AGBL1: variants seen among roughly 807,000 people sequenced by gnomAD.
The protein encoded by AGBL1 is cytosolic carboxypeptidase 4.
AGBL1 carries 130 observed loss-of-function variants against 118.9 expected under a neutral mutation model. The observed-to-expected ratio is 1.09, with a 90% CI of 0.95 to 1.26. AGBL1 has a LOEUF of 1.26. AGBL1 is among the 50% of genes most tolerant of loss of function. AGBL1 has a pLI of 0.00. For missense variants in AGBL1, 1,584 were observed against 1,298.1 expected, an observed-to-expected ratio of 1.22 and a Z score of -3.38; for synonymous variants, 555 against 478.9, an observed-to-expected ratio of 1.16 and a Z score of -2.08.
At chr15:86,829,619 G>A (rs1413053851) in intron 22 of AGBL1, among the ~76,000 whole-genome samples, 2 of 152,104 alleles carry the variant, frequency 1.3e-5, no homozygotes, top group Non-Finnish European at 2.9e-5. Flanking sequence ...TCTGAGATAA[G>A]GACACACAGG....
chr15:86,528,232 C>T (rs1016324290), intron 19 of AGBL1, among the ~76,000 whole-genome samples: 4 of 152,104 alleles, frequency 2.6e-5, no homozygotes, highest in Non-Finnish European at 5.9e-5. Flanking sequence ...AGACAGTGGG[C>T]GCAGGCCAGT....
chr15:86,624,641 C>T (rs1293922557), intron 21 of AGBL1, among the ~76,000 whole-genome samples: 1 of 152,134 alleles, frequency 6.6e-6, no homozygotes, highest in East Asian at 1.9e-4. Context: ...GAGCTGCAGC[C>T]AAAAGGAGGA....
chr15:86,712,373 T>G (rs117118610), intron 22 of AGBL1, among the ~76,000 whole-genome samples: 1 of 151,974 alleles, frequency 6.6e-6, no homozygotes, highest in Non-Finnish European at 1.5e-5. Context: ...ACTTTTTTTT[T>G]TTTTAATTTA....
chr15:86,244,867 A>G (rs906642341), intron 6 of AGBL1, among the ~76,000 whole-genome samples: 1 of 152,180 alleles, frequency 6.6e-6, no homozygotes, highest in Non-Finnish European at 1.5e-5. Flanking sequence ...TCTTTTAAAC[A>G]TCAGATATTG....
chr15:86,750,497 A>C (rs1276982550), intron 22 of AGBL1, among the ~76,000 whole-genome samples: 1 of 151,206 alleles, frequency 6.6e-6, no homozygotes, highest in Non-Finnish European at 1.5e-5. Context: ...GTTATTTAAC[A>C]AGCAATTGTA....
intron 18 of AGBL1, among the ~76,000 whole-genome samples, chr15:86,454,624 C>G (rs1367852809): frequency 6.6e-6 from 1 of 152,156 alleles, no homozygotes; most frequent in Admixed American, 6.6e-5. Context: ...CTGACATGAT[C>G]AGCCAAATAA....
chr15:86,705,309 A>AAAC (rs1362108916), intron 22 of AGBL1, among the ~76,000 whole-genome samples: 1 of 152,126 alleles, frequency 6.6e-6, no homozygotes, highest in Non-Finnish European at 1.5e-5. Context: ...AAACAAAACA[A>AAAC]AACAAAAACC....
At chr15:86,583,496 G>C (rs1445142790) in intron 21 of AGBL1, among the ~76,000 whole-genome samples, 1 of 152,068 alleles carries the variant, frequency 6.6e-6, no homozygotes, top group East Asian at 1.9e-4. Flanking sequence ...CATCCATGTT[G>C]CTACAGAGGA....
At chr15:86,824,946 A>C (rs926035259) in intron 22 of AGBL1, among the ~76,000 whole-genome samples, 5 of 152,084 alleles carry the variant, frequency 3.3e-5, no homozygotes, top group Non-Finnish European at 7.4e-5. Context: ...AATCCCAGCT[A>C]CTTGGGAGGC....
At chr15:86,506,426 A>G (rs145258147) in intron 18 of AGBL1, among the ~76,000 whole-genome samples, 16 of 151,878 alleles carry the variant, frequency 1.1e-4, no homozygotes, top group Admixed American at 5.9e-4. Context: ...ATTGCCTCTA[A>G]TTTTTTTCAA....
chr15:86,363,790 C>T (rs1416854535), intron 17 of AGBL1, among the ~76,000 whole-genome samples: 1 of 152,108 alleles, frequency 6.6e-6, no homozygotes, highest in East Asian at 1.9e-4. Flanking sequence ...CTCCTAAATA[C>T]CTCAGAGCCA....
intron 21 of AGBL1, among the ~76,000 whole-genome samples, chr15:86,659,347 T>A (rs1174036968): frequency 6.6e-6 from 1 of 152,158 alleles, no homozygotes; most frequent in Non-Finnish European, 1.5e-5. Flanking sequence ...ATGGATGAGA[T>A]GATTTGAAGC....
intron 18 of AGBL1, among the ~76,000 whole-genome samples, chr15:86,509,835 CT>C (rs1567031975): frequency 1.3e-5 from 2 of 151,894 alleles, no homozygotes; most frequent in Non-Finnish European, 2.9e-5. Context: ...TAATTTTCTG[CT>C]TTAAAAACAA....
intron 22 of AGBL1, among the ~76,000 whole-genome samples, chr15:86,873,345 T>C (rs2079756586): frequency 6.6e-6 from 1 of 152,186 alleles, no homozygotes; most frequent in South Asian, 2.1e-4. Context: ...TAGATACCAT[T>C]GAATGCCATA....
At chr15:86,271,584 C>T (rs2079162535) in intron 14 of AGBL1, 35 bp from the exon 15 acceptor site, 1 of 1,528,986 alleles carries the variant, frequency 6.5e-7, no homozygotes, top group Non-Finnish European at 9.1e-7. Context: ...AACTCTCTTT[C>T]CCTCATGGAT....
At chr15:86,145,491 C>T (rs1429821995) in intron 3 of AGBL1, among the ~76,000 whole-genome samples, 1 of 152,218 alleles carries the variant, frequency 6.6e-6, no homozygotes, top group Non-Finnish European at 1.5e-5. Flanking sequence ...ATATAGGTCA[C>T]AGCTGAGAAG....
intron 24 of AGBL1, among the ~76,000 whole-genome samples, chr15:86,990,910 C>T (rs985636145): frequency 1.1e-4 from 16 of 152,162 alleles, no homozygotes; most frequent in Non-Finnish European, 2.2e-4. Context: ...AATGCTTTAT[C>T]TGGCTATGAT....
intron 5 of AGBL1, among the ~76,000 whole-genome samples, chr15:86,191,369 A>AAAAAAAAAAAAAAAAAAG (rs1247744212): frequency 4.1e-5 from 6 of 145,148 alleles, no homozygotes; most frequent in South Asian, 4.6e-4. Context: ...AAAAAAAAAA[A>AAAAAAAAAAAAAAAAAAG]AGAGAGAGAG....
intron 22 of AGBL1, among the ~76,000 whole-genome samples, chr15:86,814,123 G>A (rs1223799698): frequency 2.0e-5 from 3 of 152,166 alleles, no homozygotes; most frequent in East Asian, 3.9e-4. Context: ...AGGCCCCAGA[G>A]CAGGAGATGA....
Sources: gnomAD v4.1 joint callset for allele counts (sites outside exome capture counted in the v4.1 genomes callset) on GRCh38, gnomAD v4.1.1 for gene constraint, MANE v1.5 for transcripts, NCBI Gene and HGNC (gene_info 2026-07-23, HGNC 2026-07-21) for gene names.